HMCN1: variants seen among roughly 807,000 people sequenced by gnomAD.
The protein encoded by HMCN1 is hemicentin-1.
A neutral mutation model predicts 625.9 loss-of-function variants in HMCN1; 321 were observed. The observed-to-expected ratio is 0.51, with a 90% CI of 0.47 to 0.56. HMCN1 has a LOEUF of 0.56. HMCN1 is among the 20% of genes least tolerant of loss of function. The pLI, the probability that HMCN1 is intolerant of heterozygous loss-of-function variation, is 0.00. For synonymous variants in HMCN1, 2,425 were observed against 2,417.6 expected (o/e 1.00, Z -0.09); for missense variants, 6,588 against 6,887.3 (o/e 0.96, Z 1.54).
intron 2 of HMCN1, among the ~76,000 whole-genome samples, chr1:185,854,817 G>A (rs757969144): frequency 1.3e-5 from 2 of 152,030 alleles, no homozygotes; most frequent in Non-Finnish European, 2.9e-5. Flanking sequence ...TAGTAAAAAT[G>A]CATTTTTCCA....
chr1:186,152,730 G>A lies in HMCN1; in HGVS notation c.14897-20G>A. On this transcript the variant is annotated intron_variant, in intron 95 of 106. Transcript: ENST00000271588. ...AACCATATTTTTTTGCTGTCAAAAT[G>A]AATGTCTTGTAATTCCCAGGAGAAA... is the stretch of plus-strand genomic sequence containing the variant. 1 of 1,613,340 alleles carries A rather than the reference G, an allele frequency of 6.2e-7. No individual in the cohort carries two copies.
At chr1:185,989,329 A>G (rs1023988506) in intron 20 of HMCN1, among the ~76,000 whole-genome samples, 159 bp from the exon 21 acceptor site, 5 of 151,992 alleles carry the variant, frequency 3.3e-5, no homozygotes, top group African/African-American at 1.2e-4. Flanking sequence ...AATTTTTCTC[A>G]TAAATAACTT....
chr1:186,117,235 T>G, intron 76 of HMCN1, 120 bp downstream of exon 76: 1 of 1,379,172 alleles, frequency 7.3e-7, no homozygotes, highest in South Asian at 1.2e-5. Flanking sequence ...AGTTCAGGGG[T>G]ACACATGCAG....
intron 14 of HMCN1, among the ~76,000 whole-genome samples, chr1:185,968,692 A>G (rs1650594497): frequency 2.0e-5 from 3 of 152,054 alleles, no homozygotes; most frequent in Admixed American, 1.3e-4. Flanking sequence ...AACTGTAGAA[A>G]AAAGAGAACT....
At chr1:185,769,595 G>C (rs888870531) in intron 1 of HMCN1, among the ~76,000 whole-genome samples, 7 of 152,202 alleles carry the variant, frequency 4.6e-5, no homozygotes, top group African/African-American at 1.7e-4. Context: ...AACTATATTA[G>C]TTAGCTTTTG....
intron 1 of HMCN1, among the ~76,000 whole-genome samples, chr1:185,759,011 A>G (rs1655315434): frequency 6.6e-6 from 1 of 152,208 alleles, no homozygotes; most frequent in Non-Finnish European, 1.5e-5. Flanking sequence ...AATAGATAGA[A>G]CAGAAATACT....
Position 186,082,963 on chromosome 1 carries a change from TA to T in HMCN1, c.8884+4del. On this transcript the variant is annotated splice_donor_region_variant and intron_variant, in intron 57 of 106. Coordinates refer to ENST00000271588, the MANE Select transcript of HMCN1 (RefSeq NM_031935.3). Reference sequence around the variant, plus strand: ...AATATTTTAACCTCAATGTTCATGGTAAGAGCTCAGTTCCAAAACCATCTGT... The same window carrying T: ...AATATTTTAACCTCAATGTTCATGGTAGAGCTCAGTTCCAAAACCATCTGT... The T allele has an allele frequency of 6.4e-7, 1 of 1,568,912 alleles. No individual in the cohort carries two copies. The highest frequency in any genetic ancestry group is 8.7e-7 in the Non-Finnish European group (1 of 1,148,458).
At position 186,074,958 on chromosome 1, in the gene HMCN1, T is replaced by C. The variant is rs985966979; in HGVS notation, c.8290+67T>C. The C allele has an allele frequency of 3.0e-6, 4 of 1,342,564 alleles. No individual in the cohort carries two copies. The East Asian group carries it at 7.3e-5, about 25-fold the overall frequency. 83.2% of individuals were successfully genotyped at this position (1,342,564 alleles called of 1,614,324 possible). ...TCTTTCAAAGTAAAAGAAAAGAGAT[T>C]TGACTTATTTTAAACAGTGTTTTTT... On this transcript the variant is annotated intron_variant, in intron 53 of 106. Transcript: ENST00000271588.
chr1:185,801,323 A>G (rs1188114986), intron 1 of HMCN1, among the ~76,000 whole-genome samples: 1 of 152,196 alleles, frequency 6.6e-6, no homozygotes, highest in African/African-American at 2.4e-5. Context: ...CGCAGCTCAA[A>G]TGATTAGATC....
intron 35 of HMCN1, among the ~76,000 whole-genome samples, chr1:186,021,246 AACGTAC>A (rs1654700462): frequency 6.6e-6 from 1 of 152,116 alleles, no homozygotes; most frequent in African/African-American, 2.4e-5. Context: ...CTAGGATTCC[AACGTAC>A]ACAACTGCAT....
chr1:185,751,653 T>C (rs890432107), intron 1 of HMCN1, among the ~76,000 whole-genome samples: 22 of 152,136 alleles, frequency 1.4e-4, no homozygotes, highest in Non-Finnish European at 2.5e-4. Context: ...CTTCTCATTC[T>C]CTAAGCCTTT....
At chr1:185,909,208 C>A (rs1666273162) in intron 4 of HMCN1, 129 bp from the exon 5 acceptor site, 1 of 702,426 alleles carries the variant, frequency 1.4e-6, no homozygotes, top group Non-Finnish European at 2.5e-6. Flanking sequence ...TCAGTAATGA[C>A]CGAAATAAAT....
In HMCN1 at chr1:186,037,915, C is replaced by T; in HGVS notation, c.5750-19C>T. On this transcript the variant is annotated intron_variant, in intron 36 of 106. Coordinates refer to ENST00000271588, the MANE Select transcript of HMCN1 (RefSeq NM_031935.3). ...TATTCTACTTATAAGAAATAATTATCTGTTTGGGCCTCTTGTAGAACCACC... is the reference window on the plus strand; with the variant it reads ...TATTCTACTTATAAGAAATAATTATTTGTTTGGGCCTCTTGTAGAACCACC... 1 of 1,342,810 alleles carries T rather than the reference C, an allele frequency of 7.4e-7. No homozygotes were observed. Among genetic ancestry groups the T allele is most frequent in the Non-Finnish European group, 1.1e-6 (1 of 932,422 alleles). 83.2% of individuals were successfully genotyped at this position (1,342,810 alleles called of 1,614,324 possible).
chr1:186,142,648 C>G (rs538283222), intron 89 of HMCN1, among the ~76,000 whole-genome samples: 34 of 152,150 alleles, frequency 2.2e-4, no homozygotes, highest in Non-Finnish European at 4.9e-4. Flanking sequence ...TTCTTGCTAT[C>G]ATTCCATTCT....
chr1:186,183,993 A>T (rs1219752475), intron 105 of HMCN1, among the ~76,000 whole-genome samples: 4 of 152,152 alleles, frequency 2.6e-5, no homozygotes, highest in African/African-American at 9.7e-5. Flanking sequence ...AACCACTCAA[A>T]ACGCACAACC....
intron 10 of HMCN1, among the ~76,000 whole-genome samples, chr1:185,930,404 G>A (rs1667483042): frequency 6.6e-6 from 1 of 152,082 alleles, no homozygotes; most frequent in African/African-American, 2.4e-5. Flanking sequence ...CCTAGGCTGA[G>A]GTCCCAGCTC....
chr1:186,022,095 C>T (rs1443880342), intron 35 of HMCN1, among the ~76,000 whole-genome samples: 2 of 151,880 alleles, frequency 1.3e-5, no homozygotes, highest in East Asian at 1.9e-4. Context: ...TAATTTTGTG[C>T]GAGTGAATTT....
chr1:186,077,226 T>C (rs995667065), intron 54 of HMCN1, among the ~76,000 whole-genome samples: 1 of 152,064 alleles, frequency 6.6e-6, no homozygotes, highest in African/African-American at 2.4e-5. Flanking sequence ...TAAAAGAGTA[T>C]CCTGAAAATA....
At chr1:186,044,744 T>A (rs531437734) in intron 40 of HMCN1, among the ~76,000 whole-genome samples, 1 of 152,246 alleles carries the variant, frequency 6.6e-6, no homozygotes, top group African/African-American at 2.4e-5. Flanking sequence ...CCTCTGTGCT[T>A]TATTGGAGTG....
Sources: gnomAD v4.1 joint callset for allele counts (sites outside exome capture counted in the v4.1 genomes callset) on GRCh38, gnomAD v4.1.1 for gene constraint, MANE v1.5 for transcripts, NCBI Gene and HGNC (gene_info 2026-07-23, HGNC 2026-07-21) for gene names.